The following PDGFC variants were observed in gnomAD, a reference collection of about 807,000 sequenced individuals.
PDGFC encodes the protein platelet-derived growth factor C.
In PDGFC, 12 loss-of-function variants were observed where a neutral mutation model predicts 35.5. That is an observed-to-expected ratio of 0.34 (90% CI 0.22 to 0.55). The LOEUF (loss-of-function observed/expected upper bound fraction) is 0.55. Among genes scored for constraint, PDGFC ranks in the 20% least tolerant of loss-of-function variants. The probability of loss-of-function intolerance (pLI) is 0.91; values close to 1 mark genes in which losing one functional copy is unlikely to be tolerated. For missense variants in PDGFC, 322 were observed against 412.4 expected (o/e 0.78, Z 1.90); for synonymous variants, 159 against 148.8 (o/e 1.07, Z -0.50).
At chr4:156,946,514 A>G (rs992461432) in intron 1 of PDGFC, among the ~76,000 whole-genome samples, 1 of 152,070 alleles carries the variant, frequency 6.6e-6, no homozygotes, top group African/African-American at 2.4e-5. Context: ...GGCATTAGAA[A>G]TTATACAGGA....
At chr4:156,946,035 T>C (rs1731939178) in intron 1 of PDGFC, among the ~76,000 whole-genome samples, 1 of 152,122 alleles carries the variant, frequency 6.6e-6, no homozygotes, top group African/African-American at 2.4e-5. Flanking sequence ...ATATTTCTTC[T>C]TGTAAACTAT....
chr4:156,784,652 A>T (rs981835692), intron 3 of PDGFC, among the ~76,000 whole-genome samples: 3 of 152,206 alleles, frequency 2.0e-5, no homozygotes, highest in Non-Finnish European at 4.4e-5. Context: ...AAGTACAGAA[A>T]TACGTGTATA....
intron 2 of PDGFC, among the ~76,000 whole-genome samples, chr4:156,815,424 G>C (rs1028117837): frequency 2.0e-5 from 3 of 151,446 alleles, no homozygotes; most frequent in Non-Finnish European, 4.4e-5. Context: ...GCATAGTGAG[G>C]ATAGAAAAAG....
intron 1 of PDGFC, among the ~76,000 whole-genome samples, chr4:156,941,723 C>T (rs755239407): frequency 2.9e-4 from 44 of 151,998 alleles, no homozygotes; most frequent in Non-Finnish European, 5.3e-4. Context: ...ATACGTGAGA[C>T]TTCATCAAAG....
chr4:156,827,244 C>T (rs112187632), intron 2 of PDGFC, among the ~76,000 whole-genome samples: 9,009 of 151,922 alleles, frequency 0.059, 884 homozygotes, highest in African/African-American at 0.21. Context: ...GGTGAAACCT[C>T]GTCTCTACTA....
chr4:156,901,548 AT>A (rs1423385231), intron 1 of PDGFC, among the ~76,000 whole-genome samples: 1 of 152,074 alleles, frequency 6.6e-6, no homozygotes, highest in African/African-American at 2.4e-5. Flanking sequence ...TTTCTTATAT[AT>A]TGGTAGCGAG....
At chr4:156,848,632 G>C (rs886307383) in intron 2 of PDGFC, among the ~76,000 whole-genome samples, 4 of 151,894 alleles carry the variant, frequency 2.6e-5, no homozygotes, top group Non-Finnish European at 5.9e-5. Flanking sequence ...AATCATAAAA[G>C]AAAGCACATG....
At chr4:156,765,398 G>A (rs1730496419) in intron 5 of PDGFC, among the ~76,000 whole-genome samples, 1 of 152,176 alleles carries the variant, frequency 6.6e-6, no homozygotes, top group Non-Finnish European at 1.5e-5. Context: ...GAGAAGCTGA[G>A]CCAGAGATTG....
chr4:156,925,880 G>A (rs189347799), intron 1 of PDGFC, among the ~76,000 whole-genome samples: 35 of 151,110 alleles, frequency 2.3e-4, no homozygotes, highest in Admixed American at 5.3e-4. Context: ...GTGAAACCCC[G>A]TCTCTACAAA....
At chr4:156,908,088 C>T (rs1445778322) in intron 1 of PDGFC, among the ~76,000 whole-genome samples, 1 of 152,102 alleles carries the variant, frequency 6.6e-6, no homozygotes, top group South Asian at 2.1e-4. Context: ...ATCACTTGAA[C>T]CCAGGAAGCG....
At chr4:156,888,403 C>T (rs888657577) in intron 1 of PDGFC, among the ~76,000 whole-genome samples, 17 of 152,146 alleles carry the variant, frequency 1.1e-4, no homozygotes, top group South Asian at 2.1e-4. Context: ...TGAGCAATTA[C>T]AATTTAATTT....
chr4:156,880,786 G>A (rs926442223), intron 1 of PDGFC, among the ~76,000 whole-genome samples: 1 of 152,134 alleles, frequency 6.6e-6, no homozygotes, highest in Non-Finnish European at 1.5e-5. Flanking sequence ...ATTTAGAAGT[G>A]GAGCCTGAAG....
intron 3 of PDGFC, among the ~76,000 whole-genome samples, chr4:156,807,835 A>T (rs1340239334): frequency 2.0e-5 from 3 of 151,996 alleles, no homozygotes; most frequent in Admixed American, 6.6e-5. Context: ...CTCACTTAAA[A>T]TTTTTTCTGT....
chr4:156,894,624 G>C (rs1433507138), intron 1 of PDGFC, among the ~76,000 whole-genome samples: 1 of 152,116 alleles, frequency 6.6e-6, no homozygotes, highest in East Asian at 1.9e-4. Flanking sequence ...CTAGTTCAGA[G>C]GCAGACAGCA....
At chr4:156,809,563 T>A (rs1731872922) in intron 3 of PDGFC, among the ~76,000 whole-genome samples, 1 of 152,042 alleles carries the variant, frequency 6.6e-6, no homozygotes, top group African/African-American at 2.4e-5. Context: ...AGAACTGAGC[T>A]AGCTGCTATA....
At chr4:156,905,055 C>T (rs1293838399) in intron 1 of PDGFC, among the ~76,000 whole-genome samples, 5 of 152,206 alleles carry the variant, frequency 3.3e-5, no homozygotes, top group East Asian at 1.9e-4. Context: ...TTACACTGGA[C>T]ACTATGGGAT....
intron 1 of PDGFC, chr4:156,861,453 T>C: frequency 7.9e-7 from 1 of 1,262,872 alleles, no homozygotes; most frequent in Non-Finnish European, 1.0e-6. Flanking sequence ...TTCTCCTCTT[T>C]TCTATGCCAG....
intron 1 of PDGFC, among the ~76,000 whole-genome samples, chr4:156,940,824 T>C (rs1285059067): frequency 1.3e-5 from 2 of 152,192 alleles, no homozygotes; most frequent in Admixed American, 6.5e-5. Context: ...AATTCAGTTG[T>C]CTTCAAGTAA....
At chr4:156,915,225 A>C (rs1042050019) in intron 1 of PDGFC, among the ~76,000 whole-genome samples, 5 of 152,196 alleles carry the variant, frequency 3.3e-5, no homozygotes, top group Non-Finnish European at 5.9e-5. Context: ...CCTTTTCCTT[A>C]GAGTAACAAC....
Sources: allele counts gnomAD v4.1 joint callset (sites outside exome capture counted in the v4.1 genomes callset), GRCh38; gene constraint gnomAD v4.1.1; transcripts MANE v1.5; gene names NCBI Gene and HGNC (gene_info 2026-07-23, HGNC 2026-07-21).